RAD54B: variants seen among roughly 807,000 people sequenced by gnomAD.
RAD54B encodes the protein DNA repair and recombination protein RAD54B.
A neutral mutation model predicts 95.8 loss-of-function variants in RAD54B; 78 were observed. That is an observed-to-expected ratio of 0.81 (90% confidence interval 0.68 to 0.98). RAD54B has a LOEUF of 0.98. RAD54B is among the 50% of genes least tolerant of loss of function. RAD54B has a pLI of 0.00. For missense variants in RAD54B, 957 were observed against 1,056.6 expected, an observed-to-expected ratio of 0.91 and a Z score of 1.31; for synonymous variants, 328 against 354.9, an observed-to-expected ratio of 0.92 and a Z score of 0.85.
intron 13 of RAD54B, 76 bp downstream of exon 13, chr8:94,378,492 C>T: frequency 6.9e-7 from 1 of 1,454,818 alleles, no homozygotes; most frequent in Non-Finnish European, 9.4e-7. Flanking sequence ...ATTCCTGACA[C>T]TGAAGCACAG....
intron 3 of RAD54B, among the ~76,000 whole-genome samples, chr8:94,427,273 C>T (rs913713191): frequency 6.6e-6 from 1 of 151,766 alleles, no homozygotes; most frequent in African/African-American, 2.4e-5. Flanking sequence ...ATTTTGCTTT[C>T]CACTATTACA....
In RAD54B at chr8:94,419,024, A is replaced by G. The variant is rs1421983567; in HGVS notation, c.305-7709T>C. Reference sequence around the variant, plus strand: ...CTTTGCTAGACTCTCCTAATTTCACACTACACTTAAAGAAGGTACCTGAGA... The same window carrying G: ...CTTTGCTAGACTCTCCTAATTTCACGCTACACTTAAAGAAGGTACCTGAGA... On this transcript the variant is annotated intron_variant, in intron 3 of 14. Coordinates refer to ENST00000336148, the MANE Select transcript of RAD54B (RefSeq NM_012415.3). 2.6e-5 allele frequency among the ~76,000 whole-genome samples: 4 copies of G among 152,230 alleles called. No homozygotes were observed. In the East Asian group the frequency reaches 7.7e-4, roughly 29 times the overall value.
In RAD54B at chr8:94,393,801, G is replaced by A; in HGVS notation, c.1460C>T (p.Ser487Phe). The A allele has an allele frequency of 6.3e-7, 1 of 1,584,600 alleles. No homozygotes were observed. The highest frequency in any genetic ancestry group is 8.7e-7 in the Non-Finnish European group (1 of 1,154,906). Residue 487 changes from serine (S) to phenylalanine (F), a missense_variant, in exon 9 of 15, where the codon TCT (serine) becomes TTT (phenylalanine). Coordinates refer to ENST00000336148, the MANE Select transcript of RAD54B (RefSeq NM_012415.3). The stretch of plus-strand genomic sequence containing the variant: ...GGGTTCTTCATATATTTTCCTATAA[G>A]ATGACAAAGAGCCTAATATTCCTGG... The part of the protein sequence containing the change: ...VNPGILGSLS[S>F]YRKIYEEPII...
intron 14 of RAD54B, among the ~76,000 whole-genome samples, chr8:94,377,126 A>G (rs893825859): frequency 1.2e-4 from 18 of 152,326 alleles, no homozygotes; most frequent in African/African-American, 3.8e-4. Flanking sequence ...ATGGTGACCT[A>G]TGCTTCTAAG....
In RAD54B at chr8:94,450,875, A is replaced by G. The variant is rs7000422; in HGVS notation, c.304+7393T>C. ...GGTCCCTTTTTGATAGACTGGTTAAACAGAAATTAATAGGTAAATATATTT... is the reference window on the plus strand; with the variant it reads ...GGTCCCTTTTTGATAGACTGGTTAAGCAGAAATTAATAGGTAAATATATTT... On this transcript the variant is annotated intron_variant, in intron 3 of 14. Coordinates refer to ENST00000336148, the MANE Select transcript of RAD54B (RefSeq NM_012415.3). 9.9e-3 allele frequency among the ~76,000 whole-genome samples: 1,507 copies of G among 152,292 alleles called. 20 individuals carry two copies. The highest frequency in any genetic ancestry group is 0.033 in the African/African-American group (1,372 of 41,546).
intron 3 of RAD54B, chr8:94,432,242 T>C: frequency 1.3e-6 from 2 of 1,550,414 alleles, no homozygotes; most frequent in Non-Finnish European, 1.7e-6. Context: ...TTCTTTTCAA[T>C]CCATCCCTCT....
chr8:94,414,917 A>G (rs1302180373), intron 3 of RAD54B, among the ~76,000 whole-genome samples: 1 of 152,234 alleles, frequency 6.6e-6, no homozygotes, highest in Non-Finnish European at 1.5e-5. Context: ...GGAAGAATCA[A>G]TATTGTGAAA....
intron 3 of RAD54B, among the ~76,000 whole-genome samples, chr8:94,411,949 CCAT>C (rs1166034369): frequency 7.2e-5 from 11 of 152,004 alleles, no homozygotes; most frequent in African/African-American, 2.7e-4. Flanking sequence ...ACTATAGTCA[CCAT>C]GTTATACAAT....
At position 94,404,232 on chromosome 8, in the gene RAD54B, G is replaced by A. The variant is rs1004894001; in HGVS notation, c.789C>T (p.Leu263=). The change falls in exon 6 of 15, where the codon CTC becomes CTT. Residue 263 remains leucine, a synonymous_variant. Coordinates refer to ENST00000336148, the MANE Select transcript of RAD54B (RefSeq NM_012415.3). ...PRHDPYTPNS[L]VMPRPDKNHQ... is the part of the protein sequence containing the mutation. Reference sequence around the variant, plus strand: ...GATTCTTATCTGGTCGTGGCATAACGAGGGAATCTTAAAAAATGATAAAAG... The same window carrying A: ...GATTCTTATCTGGTCGTGGCATAACAAGGGAATCTTAAAAAATGATAAAAG... 2 of 1,584,224 alleles carry A rather than the reference G, an allele frequency of 1.3e-6. No individual in the cohort carries two copies. The highest frequency in any genetic ancestry group is 1.7e-6 in the Non-Finnish European group (2 of 1,169,956).
rs1253253327 is a variant in RAD54B at position 94,380,181 on chromosome 8, G to C, written c.2211C>G (p.Leu737=). The change falls in exon 12 of 15, where the codon CTC becomes CTG. Residue 737 remains leucine (L), a synonymous_variant. Transcript: ENST00000336148. ...TGGCTGGATTCCAATCAATGTCATAGAGAATTAAGTGAGATCCTCCAATGA... is the reference window on the plus strand; with the variant it reads ...TGGCTGGATTCCAATCAATGTCATACAGAATTAAGTGAGATCCTCCAATGA... ...LNLIGGSHLI[L]YDIDWNPATD... is the part of the protein sequence containing the mutation. 3 of 1,612,524 alleles carry C rather than the reference G, an allele frequency of 1.9e-6. No individual in the cohort carries two copies. The highest frequency in any genetic ancestry group is 2.2e-5 in the South Asian group (2 of 90,810).
chr8:94,398,393 CAGAAG>C (rs1452079009), intron 8 of RAD54B, among the ~76,000 whole-genome samples: 1 of 152,034 alleles, frequency 6.6e-6, no homozygotes, highest in Non-Finnish European at 1.5e-5. Flanking sequence ...ACAGTAAGAA[CAGAAG>C]AGGAGGAGTT....
rs538012661 is a variant in RAD54B, at chr8:94,373,281, G to A, written c.2516-894C>T. ...TGCACAGTGAAGCAAGTATTCAAGG[G>A]CTGGATTATGCAAAACATGAATGGC... is the stretch of plus-strand genomic sequence containing the variant. On this transcript the variant is annotated intron_variant, in intron 14 of 14. Coordinates refer to ENST00000336148, the MANE Select transcript of RAD54B (RefSeq NM_012415.3). Among the ~76,000 whole-genome samples the A allele has an allele frequency of 2.0e-5, 3 of 152,300 alleles. No homozygotes were observed. The South Asian group carries it at 6.2e-4, about 32-fold the overall frequency.
chr8:94,374,382 TTCGCCAGTATTAGGCC>T (rs1810516929), intron 14 of RAD54B, among the ~76,000 whole-genome samples: 1 of 151,434 alleles, frequency 6.6e-6, no homozygotes, highest in South Asian at 2.1e-4. Context: ...TAACCAAGAG[TTCGCCAGTATTAGGCC>T]CTCGTTAAAA....
intron 3 of RAD54B, among the ~76,000 whole-genome samples, chr8:94,444,963 TCAGCGAG>T (rs1377389020): frequency 1.3e-5 from 2 of 152,196 alleles, no homozygotes; most frequent in Non-Finnish European, 2.9e-5. Context: ...TTGATAACTG[TCAGCGAG>T]CAGGCACACC....
chr8:94,409,608 C>T (rs1454744128), intron 4 of RAD54B, among the ~76,000 whole-genome samples: 1 of 152,060 alleles, frequency 6.6e-6, no homozygotes, highest in Non-Finnish European at 1.5e-5. Flanking sequence ...TCAAGCAATC[C>T]TTCCCCATCA....
At chr8:94,456,734 G>A (rs1056404580) in intron 3 of RAD54B, among the ~76,000 whole-genome samples, 2 of 152,188 alleles carry the variant, frequency 1.3e-5, no homozygotes, top group Non-Finnish European at 2.9e-5. Flanking sequence ...TGAAAAAGAT[G>A]TGAAAGGGTG....
chr8:94,407,424 T>A lies in RAD54B; in HGVS notation c.781+15A>T. 6.4e-7 allele frequency: 1 copy of A among 1,563,050 alleles called. No individual in the cohort carries two copies. The highest frequency in any genetic ancestry group is 8.7e-7 in the Non-Finnish European group (1 of 1,152,880). The stretch of plus-strand genomic sequence containing the variant: ...CAGTAAAAACAGAAAATTCAAATTA[T>A]TTTTAAAATCTTACTTGGCGTATAT... On this transcript the variant is annotated intron_variant, in intron 5 of 14. Coordinates refer to ENST00000336148, the MANE Select transcript of RAD54B (RefSeq NM_012415.3).
intron 9 of RAD54B, 116 bp downstream of exon 9, chr8:94,393,627 G>A: frequency 1.1e-5 from 11 of 988,336 alleles, no homozygotes; most frequent in African/African-American, 1.7e-5. Flanking sequence ...AAGGATTGTG[G>A]AGAAAAATAA....
At chr8:94,391,226 A>T (rs28651529) in intron 10 of RAD54B, among the ~76,000 whole-genome samples, 4,467 of 152,080 alleles carry the variant, frequency 0.029, 83 homozygotes, top group Non-Finnish European at 0.043. Flanking sequence ...TTTCAAAATG[A>T]GAAAAAAATA....
Sources: allele counts gnomAD v4.1 joint callset (sites outside exome capture counted in the v4.1 genomes callset), GRCh38; gene constraint gnomAD v4.1.1; transcripts MANE v1.5; gene names NCBI Gene and HGNC (gene_info 2026-07-23, HGNC 2026-07-21).